The following ADAP2 variants were observed in gnomAD, a reference collection of about 807,000 sequenced individuals.
ADAP2 encodes the protein arf-GAP with dual PH domain-containing protein 2.
In ADAP2, 42 loss-of-function variants were observed where a neutral mutation model predicts 54.9. The ratio of observed to expected loss-of-function variants is 0.77; its 90% CI spans 0.60 to 0.99. ADAP2 has a LOEUF of 0.99. Ranked by LOEUF, ADAP2 falls within the 50% of genes least tolerant of loss-of-function variation. The probability of loss-of-function intolerance (pLI) is 0.00; values close to 1 mark genes in which losing one functional copy is unlikely to be tolerated. For missense variants in ADAP2, 429 were observed against 480.4 expected (o/e 0.89, Z 1.00); for synonymous variants, 177 against 180.1 (o/e 0.98, Z 0.14).
chr17:30,923,079 G>T lies in ADAP2; in HGVS notation c.225+9G>T, dbSNP rs751975930. ...ACGACAGTATTGTGGAGGTAGAAAG[G>T]CATGCCCGTGGAGAGCCATGGAACT... is the stretch of plus-strand genomic sequence containing the variant. On this transcript the variant is annotated intron_variant, in intron 2 of 10. Transcript: ENST00000330889. 3.7e-6 allele frequency: 6 copies of T among 1,613,160 alleles called. No individual in the cohort carries two copies. In the South Asian group the frequency reaches 4.4e-5, roughly 12 times the overall value.
intron 7 of ADAP2, among the ~76,000 whole-genome samples, chr17:30,950,919 T>C (rs1389608490): frequency 2.6e-5 from 4 of 152,190 alleles, no homozygotes; most frequent in African/African-American, 9.7e-5. Context: ...TTTGCTGACA[T>C]GTGTAAAGGA....
intron 6 of ADAP2, among the ~76,000 whole-genome samples, chr17:30,946,048 AGGAGGC>A (rs1287079222): frequency 6.7e-6 from 1 of 149,014 alleles, no homozygotes; most frequent in Admixed American, 6.7e-5. Context: ...CCAGCTACTC[AGGAGGC>A]GGAGGCAGGA....
intron 5 of ADAP2, among the ~76,000 whole-genome samples, chr17:30,936,271 C>G (rs563167791): frequency 6.6e-6 from 1 of 152,112 alleles, no homozygotes. Context: ...CCTCCTGCTC[C>G]GGTCTCTCAA....
chr17:30,944,151 C>A (rs986263020), intron 5 of ADAP2, among the ~76,000 whole-genome samples: 1 of 152,096 alleles, frequency 6.6e-6, no homozygotes, highest in African/African-American at 2.4e-5. Flanking sequence ...GAGATCACGC[C>A]GTTGCACTCC....
Position 30,944,997 on chromosome 17 carries a change from A to G in ADAP2, c.601A>G (p.Thr201Ala). The change falls in exon 6 of 11, where the codon ACC (threonine) becomes GCC (alanine). Residue 201 changes from threonine (T) to alanine (A), a missense_variant. Coordinates refer to ENST00000330889, the MANE Select transcript of ADAP2 (RefSeq NM_018404.3). ...AGGGCACCCCCATGGGCTGCAGATCACCTACAGGAGAGATGGCCACACCAG... is the reference window on the plus strand; with the variant it reads ...AGGGCACCCCCATGGGCTGCAGATCGCCTACAGGAGAGATGGCCACACCAG... ...KIGHPHGLQI[T>A]YRRDGHTRNL... The G allele has an allele frequency of 6.2e-7, 1 of 1,614,078 alleles. No homozygotes were observed. Among genetic ancestry groups the G allele is most frequent in the Non-Finnish European group, 8.5e-7 (1 of 1,180,004 alleles).
chr17:30,930,883 A>G (rs549119200), intron 3 of ADAP2, among the ~76,000 whole-genome samples: 145 of 152,280 alleles, frequency 9.5e-4, no homozygotes, highest in African/African-American at 3.3e-3. Flanking sequence ...AACACCTACT[A>G]TGTGCTGAGT....
intron 5 of ADAP2, among the ~76,000 whole-genome samples, chr17:30,935,104 T>C (rs577025695): frequency 6.6e-6 from 1 of 152,182 alleles, no homozygotes; most frequent in East Asian, 1.9e-4. Flanking sequence ...TGGTGGCTCA[T>C]GCCTGTAATC....
chr17:30,945,036 T>C lies in ADAP2; in HGVS notation c.640T>C (p.Tyr214His), dbSNP rs773284563. The change falls in exon 6 of 11, where the codon TAT (tyrosine) becomes CAT (histidine). Residue 214 changes from tyrosine (Y) to histidine (H), a missense_variant. Transcript: ENST00000330889. ...RDGHTRNLFV[Y>H]HESGKEIVDW... ...TGGCCACACCAGGAACCTGTTTGTG[T>C]ATCATGAAAGTGGGAAGGTGAGATG... The C allele has an allele frequency of 1.6e-5, 26 of 1,613,810 alleles. 1 individual carries two copies. Among genetic ancestry groups the C allele is most frequent in the Non-Finnish European group, 2.2e-5 (26 of 1,179,968 alleles).
intron 5 of ADAP2, among the ~76,000 whole-genome samples, chr17:30,936,271 C>T (rs563167791): frequency 4.6e-5 from 7 of 152,112 alleles, no homozygotes; most frequent in East Asian, 1.9e-4. Flanking sequence ...CCTCCTGCTC[C>T]GGTCTCTCAA....
In ADAP2 at chr17:30,958,154, C is replaced by T; in HGVS notation, c.*285C>T. 2.5e-6 allele frequency: 1 copy of T among 403,622 alleles called. No individual in the cohort carries two copies. The highest frequency in any genetic ancestry group is 4.5e-6 in the Non-Finnish European group (1 of 222,144). 25.0% of individuals were successfully genotyped at this position (403,622 alleles called of 1,614,324 possible). ...GCCCTACAGGCCCAGAACTTTCTCA[C>T]ATCTGAAATGGAGGCATTGCAATGA... On this transcript the variant is annotated 3_prime_UTR_variant, in exon 11 of 11. Transcript: ENST00000330889.
At chr17:30,929,428 C>T (rs1426848992) in intron 3 of ADAP2, among the ~76,000 whole-genome samples, 1 of 152,212 alleles carries the variant, frequency 6.6e-6, no homozygotes, top group Non-Finnish European at 1.5e-5. Context: ...TCCAAGTGCT[C>T]AGTGAACACG....
Position 30,931,997 on chromosome 17 carries a change from T to C in ADAP2, c.397+29T>C, listed in dbSNP as rs759366444. On this transcript the variant is annotated intron_variant, in intron 4 of 10. Transcript: ENST00000330889. ...AAGTTATTTCCATCACCTTTTGAAA[T>C]CTATGTTTTAATGAGCTCTAGAAAA... 4.4e-6 allele frequency: 7 copies of C among 1,603,486 alleles called. No individual in the cohort carries two copies. The Admixed American group carries it at 1.0e-4, about 23-fold the overall frequency.
At chr17:30,933,796 C>G (rs947354240) in intron 4 of ADAP2, among the ~76,000 whole-genome samples, 1 of 152,182 alleles carries the variant, frequency 6.6e-6, no homozygotes, top group Admixed American at 6.6e-5. Flanking sequence ...CTGCGCCCTG[C>G]CTTACTTCTA....
rs1466843167 is a variant in ADAP2, at chr17:30,944,943, T to C, written c.547T>C (p.Leu183=). Residue 183 remains leucine (L), a synonymous_variant, in exon 6 of 11, where the codon TTG becomes CTG. Transcript: ENST00000330889. ...SPKAVISIKD[L]NATFQTEKIG... is the part of the protein sequence containing the mutation. ...CAAAGCTGTCATCAGCATTAAGGAC[T>C]TGAATGCCACCTTCCAGACAGAGAA... is the stretch of plus-strand genomic sequence containing the variant. 2 of 1,614,042 alleles carry C rather than the reference T, an allele frequency of 1.2e-6. No homozygotes were observed. The highest frequency in any genetic ancestry group is 2.7e-5 in the African/African-American group (2 of 74,926).
At chr17:30,932,178 C>T (rs1911538422) in intron 4 of ADAP2, among the ~76,000 whole-genome samples, 1 of 150,682 alleles carries the variant, frequency 6.6e-6, no homozygotes, top group Admixed American at 6.6e-5. Context: ...AAGCTCAGAG[C>T]TTCTATGGTC....
In ADAP2 at chr17:30,921,959, G is replaced by A; in HGVS notation, c.-56G>A. ...GCCGCGGCCGGGTCCCTCTCCACCT[G>A]CCGGGCGGAGCGCACGGGCCATGGG... is the stretch of plus-strand genomic sequence containing the variant. On this transcript the variant is annotated 5_prime_UTR_variant, in exon 1 of 11. Transcript: ENST00000330889. 8.5e-7 allele frequency: 1 copy of A among 1,180,564 alleles called. No individual in the cohort carries two copies. The highest frequency in any genetic ancestry group is 3.4e-5 in the East Asian group (1 of 29,628). 73.1% of individuals were successfully genotyped at this position (1,180,564 alleles called of 1,614,324 possible).
chr17:30,956,241 G>T lies in ADAP2; in HGVS notation c.883G>T (p.Asp295Tyr), dbSNP rs747313698. The change falls in exon 10 of 11, where the codon GAT becomes TAT. Residue 295 changes from aspartate to tyrosine, a missense_variant and splice_region_variant. Asp to Tyr is a radical substitution (Grantham distance 160, BLOSUM62 -3). Coordinates refer to ENST00000330889, the MANE Select transcript of ADAP2 (RefSeq NM_018404.3). ...RRLLYYKNPL[D>Y]AFEQGQVFLG... Reference sequence around the variant, plus strand: ...ATGACCCTGTACTCTCCATTTTCAGGATGCCTTCGAGCAGGGCCAGGTTTT... The same window carrying T: ...ATGACCCTGTACTCTCCATTTTCAGTATGCCTTCGAGCAGGGCCAGGTTTT... 1.2e-5 allele frequency: 20 copies of T among 1,613,978 alleles called. No individual in the cohort carries two copies. The highest frequency in any genetic ancestry group is 1.6e-5 in the Non-Finnish European group (19 of 1,180,006).
chr17:30,954,666 C>A, intron 9 of ADAP2, 111 bp downstream of exon 9: 3 of 888,050 alleles, frequency 3.4e-6, no homozygotes, highest in African/African-American at 1.7e-5. Context: ...AGCCCCAGAG[C>A]TAGAGAAACC....
At chr17:30,945,982 T>A (rs1739737363) in intron 6 of ADAP2, among the ~76,000 whole-genome samples, 2 of 150,094 alleles carry the variant, frequency 1.3e-5, no homozygotes, top group South Asian at 4.2e-4. Context: ...TGAAACCCCG[T>A]CTCTACTAAA....
Sources: gnomAD v4.1 joint callset for allele counts (sites outside exome capture counted in the v4.1 genomes callset) on GRCh38, gnomAD v4.1.1 for gene constraint, MANE v1.5 for transcripts, NCBI Gene and HGNC (gene_info 2026-07-23, HGNC 2026-07-21) for gene names.